ACOT7: variants seen among roughly 807,000 people sequenced by gnomAD.
The protein encoded by ACOT7 is acyl-CoA thioesterase 7, also known as cytosolic acyl coenzyme A thioester hydrolase.
Under a neutral mutation model 40.2 loss-of-function variants are expected in ACOT7, and 12 were observed. That is an observed-to-expected ratio of 0.30 (90% CI 0.19 to 0.48). The LOEUF is 0.48. Among genes scored for constraint, ACOT7 ranks in the 20% least tolerant of loss-of-function variants. The pLI is 0.99. For synonymous variants in ACOT7, 228 were observed against 219.5 expected, an observed-to-expected ratio of 1.04 and a Z score of -0.34; for missense variants, 395 against 530.8, an observed-to-expected ratio of 0.74 and a Z score of 2.51.
intron 2 of ACOT7, among the ~76,000 whole-genome samples, chr1:6,348,253 A>C (rs1025464049): frequency 1.3e-5 from 2 of 152,062 alleles, no homozygotes; most frequent in Admixed American, 6.6e-5. Context: ...ACCACACGAC[A>C]TCCCCCACAT....
chr1:6,337,156 G>T (rs1641128692), intron 3 of ACOT7, among the ~76,000 whole-genome samples: 1 of 152,252 alleles, frequency 6.6e-6, no homozygotes, highest in Admixed American at 6.5e-5. Context: ...CAGGGAGGAG[G>T]GGTGGGCATC....
intron 1 of ACOT7, among the ~76,000 whole-genome samples, chr1:6,380,726 A>C (rs1195084410): frequency 1.3e-5 from 2 of 151,572 alleles, no homozygotes; most frequent in African/African-American, 4.8e-5. Flanking sequence ...AAAAAAAAAA[A>C]AACTCAAAAT....
chr1:6,379,648 G>A (rs1478752201), intron 1 of ACOT7, among the ~76,000 whole-genome samples: 3 of 151,588 alleles, frequency 2.0e-5, no homozygotes, highest in African/African-American at 7.3e-5. Context: ...AATTTGTAGA[G>A]ATGGGGTCTT....
chr1:6,373,847 A>C (rs1398656631), intron 1 of ACOT7, among the ~76,000 whole-genome samples: 1 of 151,306 alleles, frequency 6.6e-6, no homozygotes, highest in Admixed American at 6.6e-5. Flanking sequence ...CCTGGGCAAC[A>C]AAAGCTAAAC....
intron 8 of ACOT7, among the ~76,000 whole-genome samples, chr1:6,276,563 C>T (rs565876705): frequency 4.3e-4 from 65 of 152,186 alleles, no homozygotes; most frequent in African/African-American, 1.5e-3. Context: ...TAAAAATAGA[C>T]AGGAGGCTGA....
At chr1:6,281,782 G>A (rs568301225) in intron 7 of ACOT7, among the ~76,000 whole-genome samples, 1 of 152,300 alleles carries the variant, frequency 6.6e-6, no homozygotes, top group East Asian at 1.9e-4. Context: ...ACAGAACCTT[G>A]TATCACCTTC....
At chr1:6,265,976 T>G (rs531691124) in intron 8 of ACOT7, among the ~76,000 whole-genome samples, 90 of 152,302 alleles carry the variant, frequency 5.9e-4, no homozygotes, top group African/African-American at 2.0e-3. Flanking sequence ...AAAATCAGTC[T>G]CTAAATGTCA....
At chr1:6,381,575 A>C (rs913389423) in intron 1 of ACOT7, among the ~76,000 whole-genome samples, 19 of 151,898 alleles carry the variant, frequency 1.3e-4, no homozygotes, top group African/African-American at 4.3e-4. Context: ...ACCCATGTAC[A>C]CTGTCGGTGG....
At chr1:6,327,072 G>A (rs1640818011) in intron 5 of ACOT7, among the ~76,000 whole-genome samples, 1 of 152,202 alleles carries the variant, frequency 6.6e-6, no homozygotes, top group Admixed American at 6.5e-5. Context: ...GGGACTCCCT[G>A]AGTCACGCAG....
At chr1:6,347,181 C>T (rs561880081) in intron 2 of ACOT7, among the ~76,000 whole-genome samples, 3 of 152,112 alleles carry the variant, frequency 2.0e-5, no homozygotes, top group Non-Finnish European at 4.4e-5. Flanking sequence ...CTGTTCTCAC[C>T]CCCACGCCCT....
Position 6,393,385 on chromosome 1 carries a change from C to T in ACOT7, c.15G>A (p.Gly5=), listed in dbSNP as rs986518126. The stretch of plus-strand genomic sequence containing the variant: ...GCAGGCCCGGCGCGGAATGAATGAG[C>T]CCGGGCCGCGCCATAAAGGGGGAGG... The part of the protein sequence containing the change: MARP[G]LIHSAPGLPD... Residue 5 remains glycine (G), a synonymous_variant, in exon 1 of 9, where the codon GGG becomes GGA. Transcript: ENST00000361521. 5 of 1,231,076 alleles carry T rather than the reference C, an allele frequency of 4.1e-6. No homozygotes were observed. In the African/African-American group the frequency reaches 6.2e-5, roughly 15 times the overall value. 76.3% of individuals were successfully genotyped at this position (1,231,076 alleles called of 1,614,324 possible).
Position 6,391,448 on chromosome 1 carries a change from G to A in ACOT7, c.143+1809C>T, listed in dbSNP as rs181814701. On this transcript the variant is annotated intron_variant, in intron 1 of 8. Coordinates refer to ENST00000361521, the MANE Select transcript of ACOT7 (RefSeq NM_007274.4). The stretch of plus-strand genomic sequence containing the variant: ...TTGAGCCCAGGAGGCAGGGGTTGCA[G>A]TGAGCTGAGATCGGGCCACTGCACT... Among the ~76,000 whole-genome samples the A allele has an allele frequency of 2.0e-5, 3 of 152,350 alleles. No individual in the cohort carries two copies. The East Asian group carries it at 5.8e-4, about 29-fold the overall frequency.
At position 6,292,297 on chromosome 1, in the gene ACOT7, C is replaced by T. The variant is rs138700304; in HGVS notation, c.829+2567G>A. 4.3e-4 allele frequency among the ~76,000 whole-genome samples: 66 copies of T among 152,368 alleles called. 2 individuals are homozygous for T. The East Asian group carries it at 0.011, about 24-fold the overall frequency. The stretch of plus-strand genomic sequence containing the variant: ...AGCCGAGACGAGGTGGGGGCCTGGG[C>T]GGCCCACTGTCAGGCCCTGGGTGTG... On this transcript the variant is annotated intron_variant, in intron 7 of 8. Transcript: ENST00000361521.
intron 8 of ACOT7, among the ~76,000 whole-genome samples, chr1:6,266,064 C>G (rs1638843254): frequency 6.6e-6 from 1 of 152,226 alleles, no homozygotes; most frequent in Admixed American, 6.5e-5. Flanking sequence ...GGTGGCGCTC[C>G]TTGCAGCGGT....
chr1:6,391,366 C>T (rs561895653), intron 1 of ACOT7, among the ~76,000 whole-genome samples: 5 of 152,172 alleles, frequency 3.3e-5, no homozygotes, highest in African/African-American at 9.6e-5. Flanking sequence ...ATTAGCCAGG[C>T]GTGGTGGCGC....
intron 8 of ACOT7, among the ~76,000 whole-genome samples, chr1:6,265,365 T>C (rs1638799456): frequency 6.7e-6 from 1 of 148,974 alleles, no homozygotes; most frequent in African/African-American, 2.4e-5. Context: ...CTGTGCTGCC[T>C]ATGGCCTTGA....
intron 1 of ACOT7, chr1:6,385,793 C>A (rs1239623300): frequency 3.5e-6 from 5 of 1,433,022 alleles, no homozygotes; most frequent in Middle Eastern, 5.0e-4. Flanking sequence ...AAGCACCAGG[C>A]TCCTGCTCCT....
rs904686924 is a variant in ACOT7 at position 6,346,530 on chromosome 1, T to C, written c.261+3219A>G. ...GCCAGAGGGAGAGTTGAGAAAGAGA[T>C]GTAGGAGGTGAGGTCCCCGAGCCGC... On this transcript the variant is annotated intron_variant, in intron 2 of 8. Transcript: ENST00000361521. Among the ~76,000 whole-genome samples the C allele has an allele frequency of 2.0e-5, 3 of 151,992 alleles. No individual in the cohort carries two copies. In the East Asian group the frequency reaches 5.8e-4, roughly 29 times the overall value.
chr1:6,385,392 C>T, intron 1 of ACOT7: 1 of 1,404,042 alleles, frequency 7.1e-7, no homozygotes, highest in Non-Finnish European at 9.7e-7. Flanking sequence ...ACCCTACTAC[C>T]CTCCCCAAAA....
Sources: allele counts gnomAD v4.1 joint callset (sites outside exome capture counted in the v4.1 genomes callset), GRCh38; gene constraint gnomAD v4.1.1; transcripts MANE v1.5; gene names NCBI Gene and HGNC (gene_info 2026-07-23, HGNC 2026-07-21).